Variants in SNX18 observed in about 807,000 individuals in gnomAD.
SNX18 encodes sorting nexin 18.
In SNX18, 35 loss-of-function variants were observed where a neutral mutation model predicts 48.7. That is an observed-to-expected ratio of 0.72 (90% CI 0.55 to 0.95). SNX18 has a LOEUF of 0.95. Among genes scored for constraint, SNX18 ranks in the 40% least tolerant of loss-of-function variants. SNX18 has a pLI of 0.00. For synonymous variants in SNX18, 492 were observed against 384.7 expected, an observed-to-expected ratio of 1.28 and a Z score of -3.26; for missense variants, 824 against 871.0, an observed-to-expected ratio of 0.95 and a Z score of 0.68.
the SNX18 span, among the ~76,000 whole-genome samples, chr5:54,618,979 A>G: frequency 0.12 from 18,039 of 147,352 alleles, 1,273 homozygotes; most frequent in East Asian, 0.17. Flanking sequence ...ACTCTAAAAA[A>G]GCAAAACAAA....
rs1253975475 is a variant in SNX18 at position 54,543,530 on chromosome 5, G to T, written c.*98G>T. On this transcript the variant is annotated 3_prime_UTR_variant, in exon 2 of 2. Coordinates refer to ENST00000381410, the MANE Select transcript of SNX18 (RefSeq NM_001102575.2). The stretch of plus-strand genomic sequence containing the variant: ...AGAGCTATTGCCAGCTATCAGTGGT[G>T]GTACAAGGACGGTTTTGTGTTCATC... 31 of 1,443,746 alleles carry T rather than the reference G, an allele frequency of 2.1e-5. No homozygotes were observed. The East Asian group carries it at 6.9e-4, about 32-fold the overall frequency. The allele number at this position is 1,443,746 out of a possible 1,614,324, so 89.4% of individuals were successfully genotyped here.
At chr5:54,554,927 A>T in the SNX18 span, among the ~76,000 whole-genome samples, 1 of 152,102 alleles carries the variant, frequency 6.6e-6, no homozygotes, top group East Asian at 1.9e-4. Flanking sequence ...AGATTTTATG[A>T]TTCATTTATC....
At chr5:54,523,988 T>C (rs1038665853) in intron 1 of SNX18, among the ~76,000 whole-genome samples, 3 of 152,202 alleles carry the variant, frequency 2.0e-5, no homozygotes, top group Non-Finnish European at 2.9e-5. Context: ...ATCCTTATTT[T>C]TGAAACCTCT....
chr5:54,637,445 A>C, the SNX18 span, among the ~76,000 whole-genome samples: 2 of 152,176 alleles, frequency 1.3e-5, no homozygotes, highest in Non-Finnish European at 2.9e-5. Context: ...CAATTTTATC[A>C]AAGAAATTTT....
At chr5:54,587,910 G>A in the SNX18 span, among the ~76,000 whole-genome samples, 2 of 152,286 alleles carry the variant, frequency 1.3e-5, no homozygotes, top group South Asian at 4.1e-4. Flanking sequence ...GGCATAAGAT[G>A]ACATCCTGGA....
At chr5:54,647,830 A>T in the SNX18 span, among the ~76,000 whole-genome samples, 1 of 152,128 alleles carries the variant, frequency 6.6e-6, no homozygotes, top group African/African-American at 2.4e-5. Context: ...AGTTGAGAAC[A>T]GATTTGAGAG....
the SNX18 span, among the ~76,000 whole-genome samples, chr5:54,637,796 AG>A: frequency 2.6e-5 from 4 of 152,086 alleles, no homozygotes; most frequent in Non-Finnish European, 5.9e-5. Flanking sequence ...GGCCCTCTGG[AG>A]GGGCCATACT....
chr5:54,587,435 G>C, the SNX18 span, among the ~76,000 whole-genome samples: 1 of 152,066 alleles, frequency 6.6e-6, no homozygotes, highest in Admixed American at 6.5e-5. Context: ...CTGGAAAAGA[G>C]AATTGCTCTT....
At chr5:54,588,127 G>A in the SNX18 span, among the ~76,000 whole-genome samples, 6 of 151,898 alleles carry the variant, frequency 4.0e-5, no homozygotes, top group Middle Eastern at 3.4e-3. Context: ...AAACACTCTC[G>A]TTTCATAGTA....
At chr5:54,535,078 A>G (rs551611981) in intron 1 of SNX18, among the ~76,000 whole-genome samples, 1 of 152,330 alleles carries the variant, frequency 6.6e-6, no homozygotes, top group East Asian at 1.9e-4. Flanking sequence ...TTGTCACATG[A>G]TTAAATTCTT....
the SNX18 span, among the ~76,000 whole-genome samples, chr5:54,600,299 A>C: frequency 6.6e-6 from 1 of 152,206 alleles, no homozygotes; most frequent in African/African-American, 2.4e-5. Context: ...TGCCAGTCAG[A>C]ATAGCCATTA....
At chr5:54,547,361 C>G (rs1762592679), downstream of SNX18, among the ~76,000 whole-genome samples, 1 of 152,114 alleles carries the variant, frequency 6.6e-6, no homozygotes, top group African/African-American at 2.4e-5. Flanking sequence ...TTCTTTTGAC[C>G]AAGATCACAC....
At chr5:54,632,783 A>AT in the SNX18 span, among the ~76,000 whole-genome samples, 131 of 150,798 alleles carry the variant, frequency 8.7e-4, no homozygotes, top group African/African-American at 2.9e-3. Flanking sequence ...TATTTTTTTT[A>AT]TTTTTTTTTG....
chr5:54,602,698 A>G, the SNX18 span, among the ~76,000 whole-genome samples: 1 of 152,148 alleles, frequency 6.6e-6, no homozygotes, highest in African/African-American at 2.4e-5. Flanking sequence ...AAGAGGGCCA[A>G]GTGGGTGACT....
chr5:54,638,554 T>C, the SNX18 span, among the ~76,000 whole-genome samples: 2 of 152,186 alleles, frequency 1.3e-5, no homozygotes, highest in Non-Finnish European at 2.9e-5. Flanking sequence ...ATCTTCTTTG[T>C]TGTTTGTTTT....
Position 54,518,860 on chromosome 5 carries a change from C to G in SNX18, c.908C>G (p.Thr303Arg). Residue 303 changes from threonine (T) to arginine (R), a missense_variant, in exon 1 of 2, where the codon ACG (threonine) becomes AGG (arginine). Thr to Arg is a moderately conservative substitution (Grantham distance 71, BLOSUM62 -1). Coordinates refer to ENST00000381410, the MANE Select transcript of SNX18 (RefSeq NM_001102575.2). ...TACATCTCCTACAAGCTGGTGCCCA[C>G]GCACACGCAGGTGCCGGTGCATCGG... ...KSYISYKLVP[T>R]HTQVPVHRRY... The G allele has an allele frequency of 1.9e-6, 3 of 1,612,972 alleles. No homozygotes were observed. Among genetic ancestry groups the G allele is most frequent in the Non-Finnish European group, 8.5e-7 (1 of 1,179,356 alleles).
At chr5:54,627,291 G>A in the SNX18 span, among the ~76,000 whole-genome samples, 10 of 152,066 alleles carry the variant, frequency 6.6e-5, no homozygotes, top group East Asian at 1.9e-4. Flanking sequence ...AAATATAATC[G>A]TACTCTTCCT....
chr5:54,519,530 G>A lies in SNX18; in HGVS notation c.1578G>A (p.Gln526=), dbSNP rs1207014541. Residue 526 remains glutamine (Q), a synonymous_variant, in exon 1 of 2, where the codon CAG becomes CAA. Transcript: ENST00000381410. ...DPVMDLLALY[Q]GHLANFPDII... ...TCATGGACCTATTAGCGCTGTATCA[G>A]GGGCATCTGGCTAACTTCCCGGACA... 6.2e-7 allele frequency: 1 copy of A among 1,614,082 alleles called. No individual in the cohort carries two copies. Among genetic ancestry groups the A allele is most frequent in the Non-Finnish European group, 8.5e-7 (1 of 1,180,048 alleles).
At chr5:54,623,756 C>A in the SNX18 span, among the ~76,000 whole-genome samples, 1 of 152,100 alleles carries the variant, frequency 6.6e-6, no homozygotes, top group East Asian at 1.9e-4. Flanking sequence ...GTCCTATTGC[C>A]ATTAGTGAGA....
Sources: allele counts gnomAD v4.1 joint callset (sites outside exome capture counted in the v4.1 genomes callset), GRCh38; gene constraint gnomAD v4.1.1; transcripts MANE v1.5; gene names NCBI Gene and HGNC (gene_info 2026-07-23, HGNC 2026-07-21).